IRGM: variants seen among roughly 807,000 people sequenced by gnomAD.
The protein encoded by IRGM is immunity related GTPase M.
For missense variants in IRGM, 288 were observed against 219.9 expected, an observed-to-expected ratio of 1.31 and a Z score of -1.96; for synonymous variants, 98 against 80.6, an observed-to-expected ratio of 1.22 and a Z score of -1.16.
chr5:150,851,660 A>G (rs992668126), downstream of IRGM, among the ~76,000 whole-genome samples: 15 of 152,240 alleles, frequency 9.9e-5, no homozygotes, highest in African/African-American at 3.6e-4. Context: ...TGCCACTCCC[A>G]GCACTGCACT....
intron 3 of IRGM, chr5:150,896,337 GCAC>G (rs760427400): frequency 6.2e-7 from 1 of 1,613,554 alleles, no homozygotes; most frequent in African/African-American, 1.3e-5. Flanking sequence ...TTTTCCGCAT[GCAC>G]CACAATCATA....
At position 150,848,233 on chromosome 5, in the gene IRGM, C is replaced by T. The variant is rs1268209168; in HGVS notation, c.110C>T (p.Thr37Ile). ...KIVSRTPVNI[T>I]MAGDSGNGMS... The stretch of plus-strand genomic sequence containing the variant: ...GTGTCCAGGACACCAGTTAACATCA[C>T]TATGGCAGGGGACTCTGGCAATGGG... The change falls in exon 2 of 2, where the codon ACT (threonine) becomes ATT (isoleucine). Residue 37 changes from threonine to isoleucine, a missense_variant. Transcript: ENST00000522154. 7 of 1,551,832 alleles carry T rather than the reference C, an allele frequency of 4.5e-6. No individual in the cohort carries two copies. In the Admixed American group the frequency reaches 1.4e-4, roughly 30 times the overall value.
chr5:150,870,709 T>C (rs1754270995), intron 1 of IRGM, among the ~76,000 whole-genome samples: 1 of 152,070 alleles, frequency 6.6e-6, no homozygotes, highest in Non-Finnish European at 1.5e-5. Context: ...GGTAGGTAAC[T>C]AAGTTGGGGT....
chr5:150,883,265 TAAAAG>T (rs919370444), intron 3 of IRGM, among the ~76,000 whole-genome samples: 27 of 152,042 alleles, frequency 1.8e-4, no homozygotes, highest in Admixed American at 3.3e-4. Flanking sequence ...AAAGCAGTTC[TAAAAG>T]AAAAGTTTAT....
intron 1 of IRGM, among the ~76,000 whole-genome samples, chr5:150,876,074 T>A: frequency 6.6e-6 from 1 of 152,204 alleles, no homozygotes; most frequent in Non-Finnish European, 1.5e-5. Context: ...GGCACTGTGC[T>A]CATACTCATG....
At chr5:150,860,009 T>A (rs781123234) in intron 1 of IRGM, among the ~76,000 whole-genome samples, 1 of 152,202 alleles carries the variant, frequency 6.6e-6, no homozygotes, top group African/African-American at 2.4e-5. Context: ...GCTTTATAGA[T>A]TTCATTGCCC....
At chr5:150,852,760 C>T (rs2113253373), downstream of IRGM, among the ~76,000 whole-genome samples, 1 of 152,010 alleles carries the variant, frequency 6.6e-6, no homozygotes, top group African/African-American at 2.4e-5. Context: ...CTTTTTCATT[C>T]TCAACTCTAG....
At chr5:150,885,979 T>A (rs777542987) in intron 3 of IRGM, among the ~76,000 whole-genome samples, 9 of 152,152 alleles carry the variant, frequency 5.9e-5, no homozygotes, top group Non-Finnish European at 1.2e-4. Context: ...TATCCTGTCT[T>A]GTGCCAGTTT....
At chr5:150,901,941 CCTT>C (rs139499267), downstream of IRGM, among the ~76,000 whole-genome samples, 5,891 of 152,200 alleles carry the variant, frequency 0.039, 180 homozygotes, top group East Asian at 0.16. Context: ...TTTACTATAA[CCTT>C]CTTTTTCCAA....
chr5:150,856,619 C>T (rs936764981), intron 1 of IRGM, among the ~76,000 whole-genome samples: 1 of 151,240 alleles, frequency 6.6e-6, no homozygotes, highest in Non-Finnish European at 1.5e-5. Context: ...CATGCACCAA[C>T]CTTTAAAATA....
chr5:150,861,246 C>G (rs1311437242), intron 1 of IRGM, among the ~76,000 whole-genome samples: 6 of 152,160 alleles, frequency 3.9e-5, no homozygotes, highest in Admixed American at 3.9e-4. Flanking sequence ...CATTTAGAGC[C>G]CTTTTGTACT....
chr5:150,872,804 G>A (rs1754304512), intron 1 of IRGM, among the ~76,000 whole-genome samples: 1 of 152,148 alleles, frequency 6.6e-6, no homozygotes, highest in African/African-American at 2.4e-5. Context: ...GTACAGGGAG[G>A]GATCAAAAGG....
At chr5:150,892,966 A>G (rs1261860439) in intron 3 of IRGM, among the ~76,000 whole-genome samples, 1 of 151,582 alleles carries the variant, frequency 6.6e-6, no homozygotes, top group Non-Finnish European at 1.5e-5. Context: ...TATTTTTATC[A>G]TGTCCTTTTT....
intron 3 of IRGM, among the ~76,000 whole-genome samples, chr5:150,890,295 T>C (rs981613856): frequency 6.6e-6 from 1 of 152,022 alleles, no homozygotes; most frequent in Non-Finnish European, 1.5e-5. Flanking sequence ...TCAAGTTTAT[T>C]GGTATTAAGA....
chr5:150,877,139 G>A (rs1754376740), intron 1 of IRGM, among the ~76,000 whole-genome samples: 2 of 152,116 alleles, frequency 1.3e-5, no homozygotes, highest in African/African-American at 4.8e-5. Flanking sequence ...GATGTATATG[G>A]GTTCAAGTTG....
At chr5:150,896,509 T>C (rs1005446048) in intron 3 of IRGM, 2 of 1,613,508 alleles carry the variant, frequency 1.2e-6, no homozygotes, top group African/African-American at 2.7e-5. Flanking sequence ...CCACACTGAT[T>C]ATCATCAAAA....
At chr5:150,892,717 T>C (rs78849458) in intron 3 of IRGM, among the ~76,000 whole-genome samples, 3 of 152,044 alleles carry the variant, frequency 2.0e-5, no homozygotes, top group African/African-American at 7.2e-5. Context: ...CTGCCCTTTA[T>C]TCCCAGTTTA....
At chr5:150,896,514 T>A (rs762193816) in intron 3 of IRGM, 2 of 1,613,628 alleles carry the variant, frequency 1.2e-6, no homozygotes, top group Non-Finnish European at 8.5e-7. Flanking sequence ...CTGATTATCA[T>A]CAAAAGGTAT....
chr5:150,855,510 C>A (rs1044911678), intron 1 of IRGM, among the ~76,000 whole-genome samples: 1 of 152,084 alleles, frequency 6.6e-6, no homozygotes, highest in African/African-American at 2.4e-5. Context: ...ATTTAGTAGG[C>A]ATATGGGAAG....
Sources: allele counts gnomAD v4.1 joint callset (sites outside exome capture counted in the v4.1 genomes callset), GRCh38; gene constraint gnomAD v4.1.1; transcripts MANE v1.5; gene names NCBI Gene and HGNC (gene_info 2026-07-23, HGNC 2026-07-21).